Variants in OSGEPL1 observed in about 807,000 individuals in gnomAD.
The protein encoded by OSGEPL1 is O-sialoglycoprotein endopeptidase like 1.
In OSGEPL1, 26 loss-of-function variants were observed where a neutral mutation model predicts 37.2. The observed-to-expected ratio is 0.70, with a 90% CI of 0.51 to 0.97. OSGEPL1 has a LOEUF of 0.97. Among genes scored for constraint, OSGEPL1 ranks in the 50% least tolerant of loss-of-function variants. OSGEPL1 has a pLI of 0.00. For synonymous variants in OSGEPL1, 140 were observed against 159.9 expected, an observed-to-expected ratio of 0.88 and a Z score of 0.94; for missense variants, 404 against 487.0, an observed-to-expected ratio of 0.83 and a Z score of 1.60.
intron 8 of OSGEPL1, among the ~76,000 whole-genome samples, chr2:189,748,198 ATTAT>A (rs1301799840): frequency 6.6e-6 from 1 of 152,062 alleles, no homozygotes; most frequent in Admixed American, 6.5e-5. Context: ...TGAATGAATT[ATTAT>A]TTATTTATTT....
In OSGEPL1 at chr2:189,752,744, A is replaced by G. The variant is rs756412861; in HGVS notation, c.1095-20T>C. 1 of 1,613,924 alleles carries G rather than the reference A, an allele frequency of 6.2e-7. No homozygotes were observed. Among genetic ancestry groups the G allele is most frequent in the Non-Finnish European group, 8.5e-7 (1 of 1,179,814 alleles). On this transcript the variant is annotated intron_variant, in intron 6 of 8. Transcript: ENST00000264151. ...CCATTCCTAAATAAGAAGCATTAAA[A>G]TAAAATCAATAGCTCCAAGATCTGA...
At chr2:189,757,476 A>C (rs1370444816) in intron 2 of OSGEPL1, among the ~76,000 whole-genome samples, 2 of 152,264 alleles carry the variant, frequency 1.3e-5, no homozygotes, top group African/African-American at 2.4e-5. Flanking sequence ...GCTTGTATTC[A>C]GCCCTTGCTA....
Position 189,746,777 on chromosome 2 carries a change from T to C in OSGEPL1, c.*420A>G. The C allele has an allele frequency of 3.4e-6, 3 of 887,488 alleles. No homozygotes were observed. The allele number at this position is 887,488 out of a possible 1,614,324, so 55.0% of individuals were successfully genotyped here. A position where few individuals can be genotyped will look rare whatever the true frequency, so the allele number is the denominator to read the frequency against. ...CTAAGCAGATTTTCCTTAGCATGTC[T>C]ACAGGAATTTAGTGTCAGGTCAGAG... On this transcript the variant is annotated 3_prime_UTR_variant, in exon 9 of 9. Transcript: ENST00000264151.
chr2:189,761,697 A>G (rs2047083013), intron 1 of OSGEPL1, 37 bp from the exon 2 acceptor site: 1 of 1,459,548 alleles, frequency 6.9e-7, no homozygotes, highest in African/African-American at 1.4e-5. Context: ...ATTATTTGCA[A>G]CTGACATTAG....
intron 5 of OSGEPL1, 96 bp downstream of exon 5, chr2:189,753,820 A>G: frequency 2.3e-6 from 3 of 1,303,764 alleles, no homozygotes; most frequent in Non-Finnish European, 3.2e-6. Flanking sequence ...CATAAGGCAT[A>G]AAGATCTGTT....
rs2046230669 is a variant in OSGEPL1, at chr2:189,757,348, C to G, written c.222-1788G>C. Among the ~76,000 whole-genome samples the G allele has an allele frequency of 2.0e-5, 3 of 152,180 alleles. No homozygotes were observed. In the South Asian group the frequency reaches 6.2e-4, roughly 31 times the overall value. On this transcript the variant is annotated intron_variant, in intron 2 of 8. Coordinates refer to ENST00000264151, the MANE Select transcript of OSGEPL1 (RefSeq NM_022353.3). ...GTTTCTGGCTTGGAAGAAGGGACTC[C>G]TCCTGCCAAGTAATCCTCTATTATT...
chr2:189,762,880 G>A (rs1009199828), upstream of OSGEPL1: 2 of 985,314 alleles, frequency 2.0e-6, no homozygotes, highest in African/African-American at 3.5e-5. Context: ...CTTAAAGGCC[G>A]TCTTTGCCCA....
At position 189,753,036 on chromosome 2, in the gene OSGEPL1, T is replaced by C. The variant is rs534439690; in HGVS notation, c.964-57A>G. 3 of 1,458,254 alleles carry C rather than the reference T, an allele frequency of 2.1e-6. No individual in the cohort carries two copies. In the East Asian group the frequency reaches 7.1e-5, roughly 35 times the overall value. 90.3% of individuals were successfully genotyped at this position (1,458,254 alleles called of 1,614,324 possible). ...CATATATGGATATGAACCAAGCTGC[T>C]AATTAAACCTGGAGAAAAATATCAG... On this transcript the variant is annotated intron_variant, in intron 5 of 8. Coordinates refer to ENST00000264151, the MANE Select transcript of OSGEPL1 (RefSeq NM_022353.3).
At chr2:189,757,568 T>C (rs553115288) in intron 2 of OSGEPL1, among the ~76,000 whole-genome samples, 5 of 152,364 alleles carry the variant, frequency 3.3e-5, no homozygotes, top group African/African-American at 1.2e-4. Flanking sequence ...GTCATTATTA[T>C]CATTTTACAG....
At chr2:189,750,806 C>T in intron 7 of OSGEPL1, 150 bp from the exon 8 acceptor site, 3 of 526,236 alleles carry the variant, frequency 5.7e-6, no homozygotes, top group Admixed American at 7.8e-5. Context: ...TACAAATATA[C>T]TGGGACCTCA....
chr2:189,749,456 T>A (rs2044753107), intron 8 of OSGEPL1, among the ~76,000 whole-genome samples: 1 of 151,340 alleles, frequency 6.6e-6, no homozygotes, highest in Admixed American at 6.6e-5. Flanking sequence ...ATATAGAGGG[T>A]TACATTCAAA....
chr2:189,761,586 C>T lies in OSGEPL1; in HGVS notation c.55G>A (p.Val19Ile), dbSNP rs2047071206. ...TTAAAACTTCTTAAAAATTCATAAA[C>T]TTTCCTTTTTGATGGTTTAAAAAAA... ...GVFFKPSKRK[V>I]YEFLRSFNFH... The change falls in exon 2 of 9, where the codon GTT (valine) becomes ATT (isoleucine). Residue 19 changes from valine to isoleucine, a missense_variant. Val to Ile is a conservative substitution (Grantham distance 29). Coordinates refer to ENST00000264151, the MANE Select transcript of OSGEPL1 (RefSeq NM_022353.3). The T allele has an allele frequency of 6.2e-7, 1 of 1,610,120 alleles. No homozygotes were observed. The highest frequency in any genetic ancestry group is 2.2e-5 in the East Asian group (1 of 44,730).
At chr2:189,755,150 T>C in intron 3 of OSGEPL1, 23 bp downstream of exon 3, 1 of 1,590,108 alleles carries the variant, frequency 6.3e-7, no homozygotes, top group South Asian at 1.2e-5. Flanking sequence ...CAAAAAAGAA[T>C]GGAGAAATTA....
intron 2 of OSGEPL1, among the ~76,000 whole-genome samples, chr2:189,758,418 C>A (rs757202688): frequency 1.3e-5 from 2 of 152,044 alleles, no homozygotes; most frequent in South Asian, 2.1e-4. Flanking sequence ...CTCACCCCCC[C>A]TCTCTCGGTC....
At position 189,761,577 on chromosome 2, in the gene OSGEPL1, A is replaced by C; in HGVS notation, c.64T>G (p.Phe22Val). 6.2e-7 allele frequency: 1 copy of C among 1,610,806 alleles called. No individual in the cohort carries two copies. Among genetic ancestry groups the C allele is most frequent in the Non-Finnish European group, 8.5e-7 (1 of 1,178,738 alleles). The change falls in exon 2 of 9, where the codon TTT becomes GTT. Residue 22 changes from phenylalanine (F) to valine (V), a missense_variant. Physicochemically the swap from Phe to Val is conservative, Grantham distance 50 (BLOSUM62 -1). Transcript: ENST00000264151. ...GGATGAAAATTAAAACTTCTTAAAA[A>C]TTCATAAACTTTCCTTTTTGATGGT... ...FKPSKRKVYE[F>V]LRSFNFHPGT...
chr2:189,755,862 A>G (rs2045992659), intron 2 of OSGEPL1, among the ~76,000 whole-genome samples: 1 of 152,220 alleles, frequency 6.6e-6, no homozygotes, highest in Admixed American at 6.5e-5. Context: ...GAGCATGGGA[A>G]GGACAGGAAA....
chr2:189,761,748 A>C, intron 1 of OSGEPL1, 88 bp from the exon 2 acceptor site: 1 of 1,339,014 alleles, frequency 7.5e-7, no homozygotes, highest in East Asian at 2.7e-5. Flanking sequence ...GAATTACAGG[A>C]AAGTTTGTAA....
chr2:189,755,115 T>C, intron 3 of OSGEPL1, 58 bp downstream of exon 3: 1 of 1,560,884 alleles, frequency 6.4e-7, no homozygotes, highest in African/African-American at 1.4e-5. Flanking sequence ...CATCTATTGC[T>C]ACTTAGTTGA....
In OSGEPL1 at chr2:189,752,947, A is replaced by G. The variant is rs768484084; in HGVS notation, c.996T>C (p.Tyr332=). 14 of 1,612,924 alleles carry G rather than the reference A, an allele frequency of 8.7e-6. No homozygotes were observed. The Admixed American group carries it at 2.3e-4, about 27-fold the overall frequency. Residue 332 remains tyrosine, a synonymous_variant, in exon 6 of 9, where the codon TAT becomes TAC. Transcript: ENST00000264151. ...TTAAAATTTCCAGAGCTCTGCGGAT[A>G]TAGAAGTTACTTGCGACACCACCAG... is the stretch of plus-strand genomic sequence containing the variant. ...VASGGVASNF[Y]IRRALEILTN...
Sources: allele counts gnomAD v4.1 joint callset (sites outside exome capture counted in the v4.1 genomes callset), GRCh38; gene constraint gnomAD v4.1.1; transcripts MANE v1.5; gene names NCBI Gene and HGNC (gene_info 2026-07-23, HGNC 2026-07-21).